ZNF292: variants seen among roughly 807,000 people sequenced by gnomAD.
ZNF292 encodes the protein zinc finger protein 292, also known as 16 zinc-finger domain protein.
In ZNF292, 26 loss-of-function variants were observed where a neutral mutation model predicts 217.9. That is an observed-to-expected ratio of 0.12 (90% confidence interval 0.09 to 0.17). The LOEUF (loss-of-function observed/expected upper bound fraction) is 0.17, where lower values mean the gene tolerates loss of function less well. Among genes scored for constraint, ZNF292 ranks in the 10% least tolerant of loss-of-function variants. The pLI is 1.00. For synonymous variants in ZNF292, 1,257 were observed against 1,124.1 expected (o/e 1.12, Z -2.37); for missense variants, 2,904 against 3,175.2 (o/e 0.91, Z 2.05).
intron 7 of ZNF292, among the ~76,000 whole-genome samples, chr6:87,250,255 A>G: frequency 6.7e-6 from 1 of 148,464 alleles, no homozygotes; most frequent in East Asian, 2.0e-4. Flanking sequence ...AAAACAGTGA[A>G]ACCTGATCTC....
intron 5 of ZNF292, among the ~76,000 whole-genome samples, chr6:87,238,644 T>A (rs1213633325): frequency 2.0e-5 from 3 of 150,338 alleles, no homozygotes; most frequent in Admixed American, 2.0e-4. Context: ...TATTTATTTT[T>A]TTTATTTTTT....
intron 5 of ZNF292, among the ~76,000 whole-genome samples, chr6:87,241,176 C>T (rs1229859669): frequency 4.6e-5 from 7 of 152,236 alleles, no homozygotes; most frequent in Non-Finnish European, 7.4e-5. Context: ...CTCAGCTACT[C>T]AGGAGGCTAA....
intron 1 of ZNF292, among the ~76,000 whole-genome samples, chr6:87,163,663 T>G (rs1770825197): frequency 6.6e-6 from 1 of 151,950 alleles, no homozygotes; most frequent in African/African-American, 2.4e-5. Context: ...TCTAGTGGGG[T>G]AGTAAGCATG....
intron 1 of ZNF292, among the ~76,000 whole-genome samples, chr6:87,162,026 C>G (rs1770770919): frequency 6.6e-6 from 1 of 152,134 alleles, no homozygotes; most frequent in Non-Finnish European, 1.5e-5. Context: ...TATAGTAATT[C>G]TAGTCTATGG....
rs750910961 is a variant in ZNF292, at chr6:87,255,767, G to A, written c.2138G>A (p.Arg713His). The A allele has an allele frequency of 1.2e-5, 19 of 1,613,652 alleles. No individual in the cohort carries two copies. Among genetic ancestry groups the A allele is most frequent in the East Asian group, 2.2e-5 (1 of 44,890 alleles). Residue 713 changes from arginine to histidine, a missense_variant, in exon 8 of 8, where the codon CGC becomes CAC. This residue lies in a region of ZNF292 where 216 missense variants were observed against 308.3 expected (regional missense o/e 0.70). Coordinates refer to ENST00000369577, the MANE Select transcript of ZNF292 (RefSeq NM_015021.3). ...KGHKDNEDAKRFLEMQSKKVI... is the reference protein window; with the variant it reads ...KGHKDNEDAKHFLEMQSKKVI... The stretch of plus-strand genomic sequence containing the variant: ...CATAAAGATAATGAAGACGCCAAGC[G>A]CTTTCTTGAAATGCAGAGCAAAAAA...
intron 5 of ZNF292, among the ~76,000 whole-genome samples, chr6:87,241,603 A>G (rs1434204710): frequency 2.0e-5 from 3 of 152,098 alleles, no homozygotes; most frequent in Non-Finnish European, 4.4e-5. Context: ...ATGTTTTAGT[A>G]GAGATGGGAT....
chr6:87,177,038 T>C (rs925001264), intron 1 of ZNF292, among the ~76,000 whole-genome samples: 5 of 152,150 alleles, frequency 3.3e-5, no homozygotes, highest in African/African-American at 1.2e-4. Flanking sequence ...CTTAAATTTT[T>C]AATCCTTGGC....
chr6:87,241,159 C>G (rs936416345), intron 5 of ZNF292, among the ~76,000 whole-genome samples: 1 of 152,140 alleles, frequency 6.6e-6, no homozygotes, highest in African/African-American at 2.4e-5. Flanking sequence ...TGGCACGCAC[C>G]TGTAGTCTCA....
At chr6:87,180,212 C>T (rs537767586) in intron 1 of ZNF292, among the ~76,000 whole-genome samples, 1 of 152,352 alleles carries the variant, frequency 6.6e-6, no homozygotes, top group South Asian at 2.1e-4. Context: ...TTTGCATTGG[C>T]CCGCATTCAA....
At chr6:87,241,041 T>C (rs895945948) in intron 5 of ZNF292, among the ~76,000 whole-genome samples, 6 of 152,152 alleles carry the variant, frequency 3.9e-5, no homozygotes, top group Non-Finnish European at 8.8e-5. Flanking sequence ...TCCCAGCACT[T>C]TGGGAGGCCG....
chr6:87,167,973 C>T (rs1048387605), intron 1 of ZNF292, among the ~76,000 whole-genome samples: 1 of 152,210 alleles, frequency 6.6e-6, no homozygotes, highest in Non-Finnish European at 1.5e-5. Flanking sequence ...CACCTATCCT[C>T]ACTCAGACTG....
Position 87,254,889 on chromosome 6 carries a change from G to C in ZNF292, c.1260G>C (p.Glu420Asp). ...AGCCAGACCAGAAATATGATGAAGA[G>C]AATCTTCCAATACCAAATTCTTTAC... ...YNQPDQKYDEENLPIPNSLRC... is the reference protein window; with the variant it reads ...YNQPDQKYDEDNLPIPNSLRC... The change falls in exon 8 of 8, where the codon GAG becomes GAC. Residue 420 changes from glutamate to aspartate, a missense_variant. By Grantham distance (45) the Glu-to-Asp change is conservative. This residue lies in a region of ZNF292 where 313 missense variants were observed against 451.0 expected (regional missense o/e 0.69). Coordinates refer to ENST00000369577, the MANE Select transcript of ZNF292 (RefSeq NM_015021.3). 1 of 1,613,794 alleles carries C rather than the reference G, an allele frequency of 6.2e-7. No homozygotes were observed. The highest frequency in any genetic ancestry group is 8.5e-7 in the Non-Finnish European group (1 of 1,179,796).
At chr6:87,178,125 A>G (rs762046233) in intron 1 of ZNF292, among the ~76,000 whole-genome samples, 1 of 152,108 alleles carries the variant, frequency 6.6e-6, no homozygotes, top group Non-Finnish European at 1.5e-5. Context: ...CATTTTCATT[A>G]GGCCTTCCTA....
chr6:87,216,976 G>C (rs1338670943), intron 3 of ZNF292, among the ~76,000 whole-genome samples: 5 of 151,952 alleles, frequency 3.3e-5, no homozygotes, highest in Non-Finnish European at 5.9e-5. Flanking sequence ...TAGTAGTCTT[G>C]AAGTTTTTTC....
In ZNF292 at chr6:87,258,386, C is replaced by T. The variant is rs376412999; in HGVS notation, c.4757C>T (p.Ser1586Phe). Residue 1586 changes from serine to phenylalanine, a missense_variant, in exon 8 of 8, where the codon TCT becomes TTT. Ser to Phe is a radical substitution (Grantham distance 155, BLOSUM62 -2). Coordinates refer to ENST00000369577, the MANE Select transcript of ZNF292 (RefSeq NM_015021.3). ...AAGACTGTTGAAAATGGTTTGTGCTCTAGTTCATTTCCTAATTCTGGTGGG... is the reference window on the plus strand; with the variant it reads ...AAGACTGTTGAAAATGGTTTGTGCTTTAGTTCATTTCCTAATTCTGGTGGG... ...LLKTVENGLCSSSFPNSGGPS... is the reference protein window; with the variant it reads ...LLKTVENGLCFSSFPNSGGPS... The T allele has an allele frequency of 2.1e-5, 34 of 1,613,482 alleles. No individual in the cohort carries two copies. The highest frequency in any genetic ancestry group is 2.9e-5 in the Non-Finnish European group (34 of 1,179,774).
intron 1 of ZNF292, among the ~76,000 whole-genome samples, chr6:87,186,692 C>T (rs562511220): frequency 2.6e-5 from 4 of 152,070 alleles, no homozygotes; most frequent in Non-Finnish European, 4.4e-5. Flanking sequence ...TGCAGTGAGC[C>T]GTGATCATGC....
intron 1 of ZNF292, among the ~76,000 whole-genome samples, chr6:87,164,984 C>G (rs1051740439): frequency 8.0e-5 from 12 of 150,070 alleles, no homozygotes; most frequent in Admixed American, 6.7e-4. Context: ...AGGCTGGTCT[C>G]GAACTCCTGA....
chr6:87,165,977 C>CA (rs1770899947), intron 1 of ZNF292, among the ~76,000 whole-genome samples: 1 of 152,106 alleles, frequency 6.6e-6, no homozygotes, highest in Admixed American at 6.6e-5. Flanking sequence ...AGGCTGGTCT[C>CA]AAACTCCTGA....
At chr6:87,229,773 A>G (rs1329585943) in intron 4 of ZNF292, among the ~76,000 whole-genome samples, 1 of 152,218 alleles carries the variant, frequency 6.6e-6, no homozygotes, top group Non-Finnish European at 1.5e-5. Flanking sequence ...AGTATTTTTA[A>G]AAAGGATAAG....
Sources: gnomAD v4.1 joint callset for allele counts (sites outside exome capture counted in the v4.1 genomes callset) on GRCh38, gnomAD v4.1.1 for gene constraint, gnomAD v4.1.1 regional missense constraint, MANE v1.5 for transcripts, NCBI Gene and HGNC (gene_info 2026-07-23, HGNC 2026-07-21) for gene names.